DCAF7: variants seen among roughly 807,000 people sequenced by gnomAD.
DCAF7 encodes the protein DDB1- and CUL4-associated factor 7.
A neutral mutation model predicts 41.2 loss-of-function variants in DCAF7; 4 were observed. That is an observed-to-expected ratio of 0.10 (90% CI 0.05 to 0.22). DCAF7 has a LOEUF of 0.22. DCAF7 is among the 10% of genes least tolerant of loss of function. The pLI is 1.00. For missense variants in DCAF7, 131 were observed against 443.2 expected (o/e 0.30, Z 6.32); for synonymous variants, 143 against 164.2 (o/e 0.87, Z 0.99).
chr17:63,572,649 G>C (rs1025052761), intron 1 of DCAF7, among the ~76,000 whole-genome samples: 2 of 152,168 alleles, frequency 1.3e-5, no homozygotes, highest in African/African-American at 4.8e-5. Flanking sequence ...ATGCTCCCTG[G>C]TGTATCCACA....
chr17:63,581,425 C>T (rs1336281409), intron 4 of DCAF7, among the ~76,000 whole-genome samples: 1 of 152,236 alleles, frequency 6.6e-6, no homozygotes. Context: ...CAGGAAGCTG[C>T]AGCTGCCTAT....
intron 1 of DCAF7, among the ~76,000 whole-genome samples, chr17:63,566,015 C>G (rs763605232): frequency 6.6e-6 from 1 of 151,812 alleles, no homozygotes; most frequent in East Asian, 1.9e-4. Context: ...GCAGGAGAAT[C>G]GCTTGAACCC....
chr17:63,550,677 C>G lies in DCAF7; in HGVS notation c.-1C>G. 6.2e-7 allele frequency: 1 copy of G among 1,613,474 alleles called. No homozygotes were observed. The highest frequency in any genetic ancestry group is 1.1e-5 in the South Asian group (1 of 91,090). On this transcript the variant is annotated 5_prime_UTR_variant, in exon 1 of 7. Coordinates refer to ENST00000614556, the MANE Select transcript of DCAF7 (RefSeq NM_005828.5). The surrounding 1 kb of genome is among the most constrained non-coding windows in gnomAD (Gnocchi z 4.8). The stretch of plus-strand genomic sequence containing the variant: ...GCCCGTACTGCGGCCCCGTGGCCAC[C>G]ATGTCCCTGCACGGCAAACGGAAGG...
intron 1 of DCAF7, among the ~76,000 whole-genome samples, chr17:63,566,246 C>T (rs2033439913): frequency 1.3e-5 from 2 of 152,016 alleles, no homozygotes; most frequent in Admixed American, 1.3e-4. Context: ...TGGTAGGCGC[C>T]TGTAGTCCCA....
intron 1 of DCAF7, among the ~76,000 whole-genome samples, chr17:63,560,165 C>G (rs1598026854): frequency 6.6e-6 from 1 of 151,918 alleles, no homozygotes; most frequent in East Asian, 1.9e-4. Flanking sequence ...AATGGAGTTT[C>G]AGCTAGATTA....
At chr17:63,557,015 G>A (rs778758734) in intron 1 of DCAF7, among the ~76,000 whole-genome samples, 2 of 152,102 alleles carry the variant, frequency 1.3e-5, no homozygotes, top group African/African-American at 2.4e-5. Flanking sequence ...GTGACAGAGC[G>A]AGACCGCCAT....
intron 1 of DCAF7, among the ~76,000 whole-genome samples, chr17:63,568,454 C>CATA (rs757396493): frequency 2.0e-5 from 3 of 152,132 alleles, no homozygotes; most frequent in South Asian, 2.1e-4. Context: ...AGGTAATTTG[C>CATA]AGTTTTGGCC....
intron 1 of DCAF7, among the ~76,000 whole-genome samples, chr17:63,576,951 C>T (rs193056323): frequency 8.4e-4 from 128 of 152,272 alleles, no homozygotes; most frequent in Middle Eastern, 6.8e-3. Context: ...GCACATAATG[C>T]AATATTATTC....
intron 5 of DCAF7, 60 bp from the exon 6 acceptor site, chr17:63,585,151 T>C: frequency 7.1e-7 from 1 of 1,404,016 alleles, no homozygotes; most frequent in African/African-American, 1.4e-5. Flanking sequence ...TGGATAGTAT[T>C]TTTTGTTTTT....
intron 1 of DCAF7, among the ~76,000 whole-genome samples, chr17:63,571,533 G>T (rs964912211): frequency 2.7e-5 from 4 of 150,054 alleles, no homozygotes; most frequent in African/African-American, 7.6e-5. Flanking sequence ...TTTTGTGTGT[G>T]GGGGGGCAGT....
At chr17:63,565,578 AAAT>A (rs569519234) in intron 1 of DCAF7, among the ~76,000 whole-genome samples, 58 of 152,066 alleles carry the variant, frequency 3.8e-4, no homozygotes, top group African/African-American at 1.2e-3. Context: ...AAAAAATAAT[AAAT>A]AATAATAATA....
Position 63,589,353 on chromosome 17 carries a change from C to T in DCAF7, c.*181C>T. On this transcript the variant is annotated 3_prime_UTR_variant, in exon 7 of 7. Coordinates refer to ENST00000614556, the MANE Select transcript of DCAF7 (RefSeq NM_005828.5). The stretch of plus-strand genomic sequence containing the variant: ...TCACCCCATCGCCCTCTGTGGCAGA[C>T]TCAGTGCTGTGTGGCGCCTCCTCAG... The T allele has an allele frequency of 2.4e-6, 2 of 817,688 alleles. No homozygotes were observed. The highest frequency in any genetic ancestry group is 1.4e-5 in the South Asian group (1 of 69,200). The allele number at this position is 817,688 out of a possible 1,614,324, so 50.7% of individuals were successfully genotyped here. A position where few individuals can be genotyped will look rare whatever the true frequency, so the allele number is the denominator to read the frequency against.
intron 1 of DCAF7, among the ~76,000 whole-genome samples, chr17:63,577,907 A>G (rs1018070411): frequency 6.6e-6 from 1 of 152,130 alleles, no homozygotes; most frequent in Non-Finnish European, 1.5e-5. Context: ...TGCAGACTTG[A>G]GTCAGAAAAC....
At chr17:63,582,214 A>G (rs1054131473) in intron 4 of DCAF7, among the ~76,000 whole-genome samples, 1 of 152,192 alleles carries the variant, frequency 6.6e-6, no homozygotes, top group African/African-American at 2.4e-5. Context: ...TGCCATAGAA[A>G]GACAAGCATA....
chr17:63,574,971 T>TA (rs2033545727), intron 1 of DCAF7, among the ~76,000 whole-genome samples: 1 of 139,570 alleles, frequency 7.2e-6, no homozygotes, highest in Admixed American at 6.7e-5. Context: ...GATCCTATCT[T>TA]AAAAAAAATA....
chr17:63,587,004 C>G (rs1168947629), intron 6 of DCAF7, among the ~76,000 whole-genome samples: 1 of 152,142 alleles, frequency 6.6e-6, no homozygotes, highest in Non-Finnish European at 1.5e-5. Flanking sequence ...TCTATGCCCC[C>G]AAATACAACT....
chr17:63,588,914 A>G, intron 6 of DCAF7, 86 bp from the exon 7 acceptor site: 2 of 1,426,992 alleles, frequency 1.4e-6, no homozygotes, highest in Non-Finnish European at 1.9e-6. Flanking sequence ...GGTGCTTTGT[A>G]AACTGTGACT....
intron 3 of DCAF7, 99 bp from the exon 4 acceptor site, chr17:63,579,726 T>A: frequency 9.7e-7 from 1 of 1,031,104 alleles, no homozygotes; most frequent in Non-Finnish European, 1.4e-6. Context: ...GTCTTTATGG[T>A]ATGCTGCTCC....
At chr17:63,580,507 CTTTTTTTTTTT>C (rs530801174) in intron 4 of DCAF7, among the ~76,000 whole-genome samples, 5 of 43,882 alleles carry the variant, frequency 1.1e-4, no homozygotes, top group African/African-American at 3.3e-4. Context: ...TTTGTGATTG[CTTTTTTTTTTT>C]TTTTTTTTTT....
Sources: gnomAD v4.1 joint callset for allele counts (sites outside exome capture counted in the v4.1 genomes callset) on GRCh38, gnomAD v4.1.1 for gene constraint, Gnocchi (gnomAD v3.1) non-coding constraint, MANE v1.5 for transcripts, NCBI Gene and HGNC (gene_info 2026-07-23, HGNC 2026-07-21) for gene names.